The following NHSL3 variants were observed in gnomAD, a reference collection of about 807,000 sequenced individuals.
NHSL3 encodes NHS-like protein 3.
the NHSL3 span, chr1:32,770,009 CGCTGGAGGCGGA>C: frequency 1.2e-6 from 2 of 1,600,354 alleles, no homozygotes; most frequent in African/African-American, 2.7e-5. This position sits in a 1 kb window ranked among gnomAD's most constrained non-coding sequence, Gnocchi z 8.3. Context: ...TCCCTGCAGG[CGCTGGAGGCGGA>C]GGCGGAGGCT....
the NHSL3 span, chr1:32,742,146 G>C: frequency 1.6e-6 from 2 of 1,244,056 alleles, no homozygotes; most frequent in African/African-American, 1.6e-5. Flanking sequence ...CCCGGGCCAA[G>C]AAGGCGGAGG....
the NHSL3 span, among the ~76,000 whole-genome samples, chr1:32,749,822 C>G: frequency 6.6e-6 from 1 of 152,046 alleles, no homozygotes; most frequent in Non-Finnish European, 1.5e-5. Flanking sequence ...TGTGCTCTCC[C>G]CATACTGTAC....
At chr1:32,755,328 A>AG in the NHSL3 span, among the ~76,000 whole-genome samples, 1 of 152,138 alleles carries the variant, frequency 6.6e-6, no homozygotes, top group Non-Finnish European at 1.5e-5. Context: ...GGTGGAGTGA[A>AG]GGGGGCCCTG....
At chr1:32,745,442 C>T in the NHSL3 span, among the ~76,000 whole-genome samples, 1 of 151,676 alleles carries the variant, frequency 6.6e-6, no homozygotes, top group Non-Finnish European at 1.5e-5. Flanking sequence ...CCTGTAATCC[C>T]AGCTACTCAG....
chr1:32,763,741 T>C, the NHSL3 span, among the ~76,000 whole-genome samples: 1 of 151,842 alleles, frequency 6.6e-6, no homozygotes, highest in African/African-American at 2.4e-5. Context: ...CCGGCTAATT[T>C]TTTTGTACTT....
the NHSL3 span, chr1:32,765,798 C>T: frequency 1.3e-6 from 2 of 1,547,822 alleles, no homozygotes; most frequent in Non-Finnish European, 1.7e-6. Context: ...CGCCGCCTCC[C>T]GGCGCTCCTA....
At chr1:32,753,132 C>G in the NHSL3 span, among the ~76,000 whole-genome samples, 1 of 151,116 alleles carries the variant, frequency 6.6e-6, no homozygotes, top group African/African-American at 2.4e-5. Context: ...CCAAGCCTGG[C>G]TAATTTTTGT....
chr1:32,746,263 T>TA, the NHSL3 span, among the ~76,000 whole-genome samples: 5 of 147,844 alleles, frequency 3.4e-5, no homozygotes, highest in African/African-American at 7.5e-5. Flanking sequence ...AAGAACAAGT[T>TA]AAAAAAAACA....
At chr1:32,755,367 C>T in the NHSL3 span, among the ~76,000 whole-genome samples, 3 of 152,148 alleles carry the variant, frequency 2.0e-5, no homozygotes, top group Non-Finnish European at 4.4e-5. Context: ...CGGGTGTATT[C>T]CCAGGATGGC....
chr1:32,772,477 T>C, the NHSL3 span: 4 of 1,506,060 alleles, frequency 2.7e-6, no homozygotes, highest in South Asian at 5.5e-5. Context: ...GTCCCATTGC[T>C]GATGATGGGA....
the NHSL3 span, chr1:32,771,659 T>A: frequency 3.1e-6 from 5 of 1,611,696 alleles, no homozygotes; most frequent in Admixed American, 8.4e-5. Context: ...GCTTTGCAGA[T>A]TCAGCCCCCG....
At chr1:32,768,728 C>T in the NHSL3 span, 2 of 1,614,178 alleles carry the variant, frequency 1.2e-6, no homozygotes, top group South Asian at 1.1e-5. Context: ...GAGAGCTCCA[C>T]AGCAGAGGAC....
the NHSL3 span, among the ~76,000 whole-genome samples, chr1:32,752,807 G>C: frequency 6.7e-6 from 1 of 148,736 alleles, no homozygotes; most frequent in African/African-American, 2.5e-5. Flanking sequence ...TCGAACTCCT[G>C]ACCTGAAGTG....
the NHSL3 span, among the ~76,000 whole-genome samples, chr1:32,742,401 G>C: frequency 6.6e-6 from 1 of 152,250 alleles, no homozygotes; most frequent in African/African-American, 2.4e-5. Flanking sequence ...TGTGAGGGGA[G>C]GGGACCCCCG....
At chr1:32,770,289 C>T in the NHSL3 span, 984 of 1,609,782 alleles carry the variant, frequency 6.1e-4, no homozygotes, top group Non-Finnish European at 8.1e-4. This position sits in a 1 kb window ranked among gnomAD's most constrained non-coding sequence, Gnocchi z 8.3. Flanking sequence ...TGGCCCTAGG[C>T]CGCTGCAGCC....
At chr1:32,748,912 C>CT in the NHSL3 span, among the ~76,000 whole-genome samples, 1 of 152,126 alleles carries the variant, frequency 6.6e-6, no homozygotes, top group African/African-American at 2.4e-5. Context: ...AGAGGATAGA[C>CT]ATTGTTTTCC....
At chr1:32,770,617 A>C in the NHSL3 span, 1 of 1,515,928 alleles carries the variant, frequency 6.6e-7, no homozygotes, top group Admixed American at 2.2e-5. The surrounding 1 kb of genome is among the most constrained non-coding windows in gnomAD (Gnocchi z 8.3). Flanking sequence ...CAGCATTCGG[A>C]GCAGTGGGCA....
chr1:32,770,961 T>TC, the NHSL3 span: 1 of 832,352 alleles, frequency 1.2e-6, no homozygotes, highest in East Asian at 4.6e-5. The surrounding 1 kb of genome is among the most constrained non-coding windows in gnomAD (Gnocchi z 8.3). Context: ...CCACCCTCCC[T>TC]CCCAAGGGCC....
At chr1:32,750,967 A>C in the NHSL3 span, among the ~76,000 whole-genome samples, 1 of 151,472 alleles carries the variant, frequency 6.6e-6, no homozygotes, top group African/African-American at 2.4e-5. Context: ...GCCCGCCACC[A>C]TGCCTGGCTA....
Sources: allele counts gnomAD v4.1 joint callset (sites outside exome capture counted in the v4.1 genomes callset), GRCh38; gene constraint gnomAD v4.1.1; non-coding constraint Gnocchi (gnomAD v3.1); transcripts MANE v1.5; gene names NCBI Gene and HGNC (gene_info 2026-07-23, HGNC 2026-07-21).